COBL: variants seen among roughly 807,000 people sequenced by gnomAD.
COBL encodes protein cordon-bleu.
In COBL, 51 loss-of-function variants were observed where a neutral mutation model predicts 98.8. That is an observed-to-expected ratio of 0.52 (90% CI 0.41 to 0.65). The LOEUF (loss-of-function observed/expected upper bound fraction) is 0.65, where lower values mean the gene tolerates loss of function less well. Among genes scored for constraint, COBL ranks in the 30% least tolerant of loss-of-function variants. The probability of loss-of-function intolerance (pLI) is 0.00; values close to 1 mark genes in which losing one functional copy is unlikely to be tolerated. For synonymous variants in COBL, 634 were observed against 651.7 expected, an observed-to-expected ratio of 0.97 and a Z score of 0.41; for missense variants, 1,617 against 1,617.5, an observed-to-expected ratio of 1.00 and a Z score of 0.01.
At chr7:51,161,951 ATTTCT>A (rs1786862398) in intron 5 of COBL, among the ~76,000 whole-genome samples, 1 of 152,144 alleles carries the variant, frequency 6.6e-6, no homozygotes, top group Non-Finnish European at 1.5e-5. Flanking sequence ...TGATATAATA[ATTTCT>A]TTTCCATTTT....
chr7:51,186,278 G>A (rs567939576), intron 4 of COBL, among the ~76,000 whole-genome samples: 1 of 152,272 alleles, frequency 6.6e-6, no homozygotes, highest in South Asian at 2.1e-4. Flanking sequence ...AGTTCACGAC[G>A]GCTTTATCCA....
chr7:51,061,521 T>C (rs1381276153), intron 7 of COBL, among the ~76,000 whole-genome samples: 2 of 152,014 alleles, frequency 1.3e-5, no homozygotes, highest in Non-Finnish European at 2.9e-5. Context: ...GAAAAAGACA[T>C]GCATATAGGG....
chr7:51,267,570 G>C (rs1237757406), intron 1 of COBL, among the ~76,000 whole-genome samples: 1 of 151,904 alleles, frequency 6.6e-6, no homozygotes, highest in Non-Finnish European at 1.5e-5. Context: ...CACAAAAAAA[G>C]AACTTTTGTT....
intron 5 of COBL, among the ~76,000 whole-genome samples, chr7:51,141,633 CT>C (rs57941852): frequency 0.057 from 8,133 of 142,102 alleles, 501 homozygotes; most frequent in African/African-American, 0.16. Context: ...GGCTTTACAA[CT>C]TTTTTTTTTT....
At position 51,190,091 on chromosome 7, in the gene COBL, C is replaced by T. The variant is rs190475484; in HGVS notation, c.685+759G>A. On this transcript the variant is annotated intron_variant, in intron 4 of 12. Coordinates refer to ENST00000265136, the MANE Select transcript of COBL (RefSeq NM_015198.5). ...AAGTTATCTTCAGGAATGGATCTCA[C>T]GCACTGTAATTGTTCAGTTTTAGAG... 1.2e-4 allele frequency among the ~76,000 whole-genome samples: 18 copies of T among 152,300 alleles called. No homozygotes were observed. In the East Asian group the frequency reaches 1.9e-3, roughly 16 times the overall value.
chr7:51,194,075 G>A (rs1020287887), intron 2 of COBL, among the ~76,000 whole-genome samples: 11 of 152,098 alleles, frequency 7.2e-5, no homozygotes, highest in African/African-American at 2.7e-4. Context: ...GTACCCATTA[G>A]TTATTTTTTC....
At chr7:51,163,211 G>T (rs1786992821) in intron 5 of COBL, among the ~76,000 whole-genome samples, 1 of 152,224 alleles carries the variant, frequency 6.6e-6, no homozygotes, top group African/African-American at 2.4e-5. Flanking sequence ...ATCAAAATGT[G>T]CAGACTAGGA....
At chr7:51,167,748 G>C (rs114243600) in intron 5 of COBL, among the ~76,000 whole-genome samples, 122 of 152,182 alleles carry the variant, frequency 8.0e-4, no homozygotes, top group African/African-American at 2.5e-3. Flanking sequence ...CAACAGAAGA[G>C]AGAACTCAGA....
At chr7:51,034,240 C>T in intron 8 of COBL, 1 of 152,442 alleles carries the variant, frequency 6.6e-6, no homozygotes, top group Admixed American at 6.5e-5. Flanking sequence ...TCCTTGGGGC[C>T]CTGCTTGCCC....
Position 51,066,407 on chromosome 7 carries a change from T to C in COBL, c.1096+18759A>G, listed in dbSNP as rs544368173. On this transcript the variant is annotated intron_variant, in intron 7 of 12. Transcript: ENST00000265136. Reference sequence around the variant, plus strand: ...AGATATGAGCAGGGTTAGAGCCTTGTAGCCCTCCCTACAGACTAACAGGAC... The same window carrying C: ...AGATATGAGCAGGGTTAGAGCCTTGCAGCCCTCCCTACAGACTAACAGGAC... 5.3e-5 allele frequency among the ~76,000 whole-genome samples: 8 copies of C among 152,288 alleles called. 1 individual carries two copies. Among genetic ancestry groups the C allele is most frequent in the African/African-American group, 1.9e-4 (8 of 41,572 alleles).
At chr7:51,297,462 G>C (rs2129197490) in intron 1 of COBL, among the ~76,000 whole-genome samples, 1 of 143,006 alleles carries the variant, frequency 7.0e-6, no homozygotes, top group Admixed American at 7.5e-5. Context: ...TGCGATCTCA[G>C]CTCACTGCAA....
At chr7:51,095,803 T>C (rs2128955927) in intron 6 of COBL, among the ~76,000 whole-genome samples, 1 of 152,292 alleles carries the variant, frequency 6.6e-6, no homozygotes, top group East Asian at 1.9e-4. Flanking sequence ...AAGGACCTTA[T>C]ATAATGATAA....
chr7:51,286,312 A>G (rs547553418), intron 1 of COBL, among the ~76,000 whole-genome samples: 7 of 151,728 alleles, frequency 4.6e-5, no homozygotes, highest in African/African-American at 1.7e-4. Context: ...CTAAAGAATA[A>G]AAACACAAGA....
chr7:51,291,037 G>C (rs1800843891), intron 1 of COBL, among the ~76,000 whole-genome samples: 1 of 152,182 alleles, frequency 6.6e-6, no homozygotes, highest in South Asian at 2.1e-4. Flanking sequence ...CACAACCCTT[G>C]GGGTATGACT....
rs1318170016 is a variant in COBL at position 51,205,640 on chromosome 7, G to GT, written c.246-12052dup. ...TTTGTTTGTTTGTTTTTGTTTTTTG[G>GT]TTTTTTGTTTTTTTTTTTTTTACAG... On this transcript the variant is annotated intron_variant, in intron 2 of 12. Coordinates refer to ENST00000265136, the MANE Select transcript of COBL (RefSeq NM_015198.5). Among the ~76,000 whole-genome samples the GT allele has an allele frequency of 1.7e-3, 179 of 107,530 alleles. No individual in the cohort carries two copies. In the Middle Eastern group the frequency reaches 0.017, roughly 10 times the overall value. 70.5% of individuals were successfully genotyped at this position (107,530 alleles called of 152,430 possible).
chr7:51,197,170 T>C (rs1268547722), intron 2 of COBL, among the ~76,000 whole-genome samples: 2 of 152,212 alleles, frequency 1.3e-5, no homozygotes, highest in African/African-American at 2.4e-5. Context: ...TGCTATAAAT[T>C]TCTCTCTTAA....
chr7:51,221,547 C>T (rs963145411), intron 1 of COBL, among the ~76,000 whole-genome samples: 3 of 152,122 alleles, frequency 2.0e-5, no homozygotes, highest in African/African-American at 7.2e-5. Context: ...TGCAAAAATG[C>T]TCAATACAGG....
chr7:51,059,580 G>A (rs1448532868), intron 7 of COBL, among the ~76,000 whole-genome samples: 1 of 122,344 alleles, frequency 8.2e-6, no homozygotes. Flanking sequence ...AAACACATGG[G>A]TTTCTAGGAG....
intron 1 of COBL, among the ~76,000 whole-genome samples, chr7:51,228,914 C>CAAAAA (rs1016027920): frequency 6.8e-6 from 1 of 146,494 alleles, no homozygotes; most frequent in Non-Finnish European, 1.5e-5. Flanking sequence ...ATATCTCCTT[C>CAAAAA]AAAAAAAAAA....
Sources: gnomAD v4.1 joint callset for allele counts (sites outside exome capture counted in the v4.1 genomes callset) on GRCh38, gnomAD v4.1.1 for gene constraint, MANE v1.5 for transcripts, NCBI Gene and HGNC (gene_info 2026-07-23, HGNC 2026-07-21) for gene names.